The following PTPRD variants were observed in gnomAD, a reference collection of about 807,000 sequenced individuals.
PTPRD encodes the protein receptor-type tyrosine-protein phosphatase delta.
In PTPRD, 34 loss-of-function variants were observed where a neutral mutation model predicts 214.5. That is an observed-to-expected ratio of 0.16 (90% CI 0.12 to 0.21). The LOEUF (loss-of-function observed/expected upper bound fraction) is 0.21. Among genes scored for constraint, PTPRD ranks in the 10% least tolerant of loss-of-function variants. The pLI is 1.00. For missense variants in PTPRD, 2,545 were observed against 2,398.7 expected, an observed-to-expected ratio of 1.06 and a Z score of -1.27; for synonymous variants, 1,128 against 845.7, an observed-to-expected ratio of 1.33 and a Z score of -5.79.
intron 3 of PTPRD, among the ~76,000 whole-genome samples, chr9:10,323,468 T>C (rs535442022): frequency 6.6e-6 from 1 of 150,826 alleles, no homozygotes; most frequent in African/African-American, 2.4e-5. Context: ...CTAATTTTGT[T>C]TATTTATTTA....
chr9:8,986,018 T>A (rs2099343254), intron 11 of PTPRD, among the ~76,000 whole-genome samples: 1 of 152,072 alleles, frequency 6.6e-6, no homozygotes, highest in South Asian at 2.1e-4. Context: ...TTTACAGTAG[T>A]TGATTTAAAT....
intron 2 of PTPRD, among the ~76,000 whole-genome samples, chr9:10,427,156 C>G (rs1467447139): frequency 6.6e-6 from 1 of 151,928 alleles, no homozygotes; most frequent in Non-Finnish European, 1.5e-5. Flanking sequence ...TTTAAAACAA[C>G]AGCCTCTACT....
chr9:9,611,125 A>G (rs1190100907), intron 7 of PTPRD, among the ~76,000 whole-genome samples: 1 of 152,216 alleles, frequency 6.6e-6, no homozygotes, highest in Non-Finnish European at 1.5e-5. Flanking sequence ...ATATGGCTAC[A>G]TGATGTACCA....
intron 7 of PTPRD, among the ~76,000 whole-genome samples, chr9:9,687,417 G>T (rs905184186): frequency 6.6e-6 from 1 of 151,762 alleles, no homozygotes; most frequent in South Asian, 2.1e-4. Context: ...AGGGTTTCCT[G>T]ATGGGTAAAC....
At chr9:8,750,920 TA>T (rs66538109) in intron 11 of PTPRD, among the ~76,000 whole-genome samples, 8,749 of 152,110 alleles carry the variant, frequency 0.058, 650 homozygotes, top group African/African-American at 0.17. Context: ...GCCAATGGTC[TA>T]AAAAAATGCA....
intron 11 of PTPRD, among the ~76,000 whole-genome samples, chr9:8,843,506 C>G (rs7870329): frequency 0.13 from 19,687 of 152,206 alleles, 1,573 homozygotes; most frequent in Middle Eastern, 0.19. Context: ...GGGAAACGTT[C>G]TATGTCGGTG....
intron 8 of PTPRD, among the ~76,000 whole-genome samples, chr9:9,451,315 T>G (rs16929416): frequency 0.014 from 2,159 of 151,940 alleles, 54 homozygotes; most frequent in African/African-American, 0.049. Context: ...ACACTTCATC[T>G]GTCTTGATTT....
At chr9:9,777,346 C>CAA (rs1555042652) in intron 5 of PTPRD, among the ~76,000 whole-genome samples, 2 of 152,022 alleles carry the variant, frequency 1.3e-5, no homozygotes, top group East Asian at 2.0e-4. Flanking sequence ...CACACACACA[C>CAA]ACACACACCC....
intron 3 of PTPRD, among the ~76,000 whole-genome samples, chr9:10,278,261 T>C (rs1209079055): frequency 6.6e-6 from 1 of 152,200 alleles, no homozygotes; most frequent in African/African-American, 2.4e-5. Flanking sequence ...AATTATAACA[T>C]ACTTTTCATC....
At chr9:9,807,188 G>T (rs980920280) in intron 5 of PTPRD, among the ~76,000 whole-genome samples, 2 of 152,114 alleles carry the variant, frequency 1.3e-5, no homozygotes, top group South Asian at 2.1e-4. Context: ...CCATTGAGGA[G>T]GCAAGAATTG....
At chr9:8,519,466 T>C (rs2097849332) in intron 20 of PTPRD, among the ~76,000 whole-genome samples, 1 of 152,210 alleles carries the variant, frequency 6.6e-6, no homozygotes, top group African/African-American at 2.4e-5. Context: ...GTTGACTCTT[T>C]AGAGAAATCT....
At chr9:9,379,976 T>C (rs773427540) in intron 9 of PTPRD, among the ~76,000 whole-genome samples, 33 of 152,068 alleles carry the variant, frequency 2.2e-4, no homozygotes, top group Non-Finnish European at 3.8e-4. Flanking sequence ...GCAACAAAGA[T>C]ATTTTCATTT....
chr9:10,560,792 T>C (rs2063765549), intron 2 of PTPRD, among the ~76,000 whole-genome samples: 1 of 152,098 alleles, frequency 6.6e-6, no homozygotes, highest in Non-Finnish European at 1.5e-5. Context: ...TTAGTTCCTC[T>C]GTCACACTAA....
chr9:10,051,914 G>A (rs72694812), intron 3 of PTPRD, among the ~76,000 whole-genome samples: 4,843 of 152,118 alleles, frequency 0.032, 138 homozygotes, highest in Admixed American at 0.093. Context: ...GCAACCACAT[G>A]TTTTACTTAA....
chr9:10,139,908 A>T (rs533930996), intron 3 of PTPRD, among the ~76,000 whole-genome samples: 1 of 152,284 alleles, frequency 6.6e-6, no homozygotes, highest in South Asian at 2.1e-4. Context: ...TTAATGACTT[A>T]AATGAAAGAA....
chr9:8,941,267 ACT>A (rs536339474), intron 11 of PTPRD, among the ~76,000 whole-genome samples: 314 of 152,348 alleles, frequency 2.1e-3, no homozygotes, highest in South Asian at 3.7e-3. Context: ...TTACTAAAAC[ACT>A]AAAGTAAAAG....
intron 19 of PTPRD, among the ~76,000 whole-genome samples, chr9:8,522,227 A>C (rs569695444): frequency 2.3e-4 from 35 of 152,378 alleles, no homozygotes; most frequent in African/African-American, 6.7e-4. Context: ...GGCATGCACA[A>C]GATGGAATCT....
intron 34 of PTPRD, among the ~76,000 whole-genome samples, chr9:8,439,666 G>C (rs995220876): frequency 2.6e-5 from 4 of 151,962 alleles, no homozygotes; most frequent in Non-Finnish European, 4.4e-5. Flanking sequence ...GCTCATATCA[G>C]AAAACAATGA....
intron 2 of PTPRD, among the ~76,000 whole-genome samples, chr9:10,504,338 T>C (rs1490872668): frequency 1.3e-5 from 2 of 152,008 alleles, no homozygotes; most frequent in Non-Finnish European, 2.9e-5. Context: ...TTTATTTAAA[T>C]ATCTAGATTA....
Sources: allele counts gnomAD v4.1 joint callset (sites outside exome capture counted in the v4.1 genomes callset), GRCh38; gene constraint gnomAD v4.1.1; transcripts MANE v1.5; gene names NCBI Gene and HGNC (gene_info 2026-07-23, HGNC 2026-07-21).